PCDHGA8: variants seen among roughly 807,000 people sequenced by gnomAD.
The protein encoded by PCDHGA8 is protocadherin gamma-A8.
In PCDHGA8, 45 loss-of-function variants were observed where a neutral mutation model predicts 59.2. The ratio of observed to expected loss-of-function variants is 0.76; its 90% CI spans 0.60 to 0.98. The LOEUF (loss-of-function observed/expected upper bound fraction) is 0.98, where lower values mean the gene tolerates loss of function less well. Ranked by LOEUF, PCDHGA8 falls within the 50% of genes least tolerant of loss-of-function variation. The probability of loss-of-function intolerance (pLI) is 0.00; values close to 1 mark genes in which losing one functional copy is unlikely to be tolerated. For synonymous variants in PCDHGA8, 531 were observed against 519.0 expected, an observed-to-expected ratio of 1.02 and a Z score of -0.32; for missense variants, 1,257 against 1,196.2, an observed-to-expected ratio of 1.05 and a Z score of -0.75.
At position 141,489,049 on chromosome 5, in the gene PCDHGA8, T is replaced by G; in HGVS notation, c.2425-5758T>G. 2.1e-6 allele frequency: 1 copy of G among 477,660 alleles called. No homozygotes were observed. Among genetic ancestry groups the G allele is most frequent in the Non-Finnish European group, 3.7e-6 (1 of 272,910 alleles). 29.6% of individuals were successfully genotyped at this position (477,660 alleles called of 1,614,324 possible). On this transcript the variant is annotated intron_variant, in intron 1 of 3. Transcript: ENST00000398604. The surrounding 1 kb of genome is among the most constrained non-coding windows in gnomAD (Gnocchi z 4.5). ...CTCCAGCTCCCCAGCTCCACTCAAA[T>G]TCAGCTCCCCTCCCCCCTGCCCACC... is the stretch of plus-strand genomic sequence containing the variant.
intron 1 of PCDHGA8, chr5:141,415,330 A>G (rs1326574664): frequency 1.2e-6 from 2 of 1,614,094 alleles, no homozygotes; most frequent in African/African-American, 2.7e-5. Context: ...GCTGGCGCAC[A>G]GGCTGCGGCG....
intron 1 of PCDHGA8, among the ~76,000 whole-genome samples, chr5:141,458,992 C>G (rs1268862644): frequency 6.6e-6 from 1 of 152,190 alleles, no homozygotes; most frequent in African/African-American, 2.4e-5. Flanking sequence ...CTCACCCTCC[C>G]AAAGTGCTGG....
intron 3 of PCDHGA8, among the ~76,000 whole-genome samples, chr5:141,508,658 A>G (rs1420910010): frequency 2.0e-5 from 3 of 152,086 alleles, no homozygotes; most frequent in African/African-American, 4.8e-5. Flanking sequence ...CCTTCCTGTC[A>G]TTCTGTCTCT....
intron 1 of PCDHGA8, chr5:141,420,939 C>A: frequency 2.6e-6 from 1 of 387,512 alleles, no homozygotes; most frequent in South Asian, 5.2e-5. Context: ...GTAATCATTT[C>A]TTCTGGAATT....
chr5:141,494,639 C>T, intron 1 of PCDHGA8, 168 bp from the exon 2 acceptor site: 1 of 901,070 alleles, frequency 1.1e-6, no homozygotes, highest in Non-Finnish European at 1.3e-6. Flanking sequence ...ACCTCTGAGA[C>T]CTGAGGTGTA....
intron 1 of PCDHGA8, among the ~76,000 whole-genome samples, chr5:141,467,727 T>C (rs1562013145): frequency 6.6e-6 from 1 of 152,046 alleles, no homozygotes; most frequent in African/African-American, 2.4e-5. Flanking sequence ...AGTGGCACAA[T>C]CCCAGCTCGC....
intron 1 of PCDHGA8, among the ~76,000 whole-genome samples, chr5:141,434,848 C>T (rs1224972794): frequency 6.6e-6 from 1 of 151,786 alleles, no homozygotes; most frequent in Non-Finnish European, 1.5e-5. Context: ...AAGCAGACAT[C>T]AATAAATTTA....
chr5:141,395,547 TGTGTGTGTGTG>T (rs750624769), intron 1 of PCDHGA8: 54,616 of 173,956 alleles, frequency 0.31, 7,840 homozygotes, highest in East Asian at 0.41. Context: ...ATTGTTTGTG[TGTGTGTGTGTG>T]TGTGTGTGTG....
Position 141,511,015 on chromosome 5 carries a change from C to T in PCDHGA8, c.2641C>T (p.Pro881Ser), listed in dbSNP as rs1430257603. The T allele has an allele frequency of 1.2e-6, 2 of 1,614,106 alleles. No homozygotes were observed. The highest frequency in any genetic ancestry group is 1.3e-5 in the African/African-American group (1 of 74,936). The stretch of plus-strand genomic sequence containing the variant: ...CATGGGATTGAGCGCCCGCTACGGA[C>T]CCCAGTTCACCCTGCAGCACGTGCC... ...GTMGLSARYG[P>S]QFTLQHVPDY... Residue 881 changes from proline (P) to serine (S), a missense_variant, in exon 4 of 4, where the codon CCC (proline) becomes TCC (serine). Coordinates refer to ENST00000398604, the MANE Select transcript of PCDHGA8 (RefSeq NM_032088.2).
At chr5:141,398,864 T>A (rs1399067876) in intron 1 of PCDHGA8, 1 of 1,613,768 alleles carries the variant, frequency 6.2e-7, no homozygotes, top group Non-Finnish European at 8.5e-7. Context: ...AACCGAGACG[T>A]GTACAGAGTC....
chr5:141,503,221 C>T (rs528636727), intron 2 of PCDHGA8, among the ~76,000 whole-genome samples: 34 of 152,074 alleles, frequency 2.2e-4, no homozygotes, highest in Middle Eastern at 6.8e-3. Flanking sequence ...CCATGAGCAC[C>T]GTAAAGATGG....
At position 141,399,531 on chromosome 5, in the gene PCDHGA8, G is replaced by T. The variant is rs771221717; in HGVS notation, c.2424+4294G>T. 24 of 1,614,052 alleles carry T rather than the reference G, an allele frequency of 1.5e-5. No homozygotes were observed. The South Asian group carries it at 2.0e-4, about 13-fold the overall frequency. ...ACAACCCTCCTGGGGCCTCCATCGC[G>T]CAAGTCTGCGCCTCGGACCTGGACT... On this transcript the variant is annotated intron_variant, in intron 1 of 3. Coordinates refer to ENST00000398604, the MANE Select transcript of PCDHGA8 (RefSeq NM_032088.2).
intron 1 of PCDHGA8, chr5:141,421,722 G>C: frequency 6.2e-7 from 1 of 1,613,972 alleles, no homozygotes; most frequent in Non-Finnish European, 8.5e-7. Flanking sequence ...ATGTGGGCGT[G>C]AACTCCCTCC....
At chr5:141,442,158 A>T (rs966591795) in intron 1 of PCDHGA8, 1 of 157,594 alleles carries the variant, frequency 6.3e-6, no homozygotes, top group African/African-American at 2.4e-5. Context: ...CTCAGCGATC[A>T]CTCTGCAAAG....
Position 141,432,206 on chromosome 5 carries a change from G to T in PCDHGA8, c.2424+36969G>T, listed in dbSNP as rs551220443. ...GACCGCCCACGACCCCGACTGTGAA[G>T]AGAACGCCCAGATCACTTATTCCCT... On this transcript the variant is annotated intron_variant, in intron 1 of 3. Coordinates refer to ENST00000398604, the MANE Select transcript of PCDHGA8 (RefSeq NM_032088.2). The surrounding 1 kb of genome is among the most constrained non-coding windows in gnomAD (Gnocchi z 6.0). 12 of 1,614,214 alleles carry T rather than the reference G, an allele frequency of 7.4e-6. No individual in the cohort carries two copies. The Admixed American group carries it at 8.3e-5, about 11-fold the overall frequency.
intron 1 of PCDHGA8, among the ~76,000 whole-genome samples, chr5:141,445,248 T>C (rs1264046214): frequency 6.6e-6 from 1 of 152,224 alleles, no homozygotes; most frequent in African/African-American, 2.4e-5. Flanking sequence ...CACTATATTG[T>C]GTGAGAATAT....
At position 141,394,688 on chromosome 5, in the gene PCDHGA8, G is replaced by A. The variant is rs770742323; in HGVS notation, c.1875G>A (p.Glu625=). 3 of 1,611,882 alleles carry A rather than the reference G, an allele frequency of 1.9e-6. No individual in the cohort carries two copies. The highest frequency in any genetic ancestry group is 1.7e-4 in the Middle Eastern group (1 of 6,054). ...TCTCGGTGGGTCTGCACACGGGCGA[G>A]GTGCGCACGGCGCGAGCCCTGCTGG... The part of the protein sequence containing the change: ...GLFSVGLHTG[E]VRTARALLDR... Residue 625 remains glutamate (E), a synonymous_variant, in exon 1 of 4, where the codon GAG becomes GAA. Coordinates refer to ENST00000398604, the MANE Select transcript of PCDHGA8 (RefSeq NM_032088.2).
At chr5:141,440,558 T>C (rs546919141) in intron 1 of PCDHGA8, 1 of 152,350 alleles carries the variant, frequency 6.6e-6, no homozygotes, top group East Asian at 1.9e-4. Context: ...TGTTATTAAG[T>C]TACGTATCTC....
At chr5:141,423,510 TGCGGACTC>T in intron 1 of PCDHGA8, 1 of 1,613,792 alleles carries the variant, frequency 6.2e-7, no homozygotes, top group South Asian at 1.1e-5. Context: ...TCTCTCTCAT[TGCGGACTC>T]GCAGAAGAGT....
Sources: allele counts gnomAD v4.1 joint callset (sites outside exome capture counted in the v4.1 genomes callset), GRCh38; gene constraint gnomAD v4.1.1; non-coding constraint Gnocchi (gnomAD v3.1); transcripts MANE v1.5; gene names NCBI Gene and HGNC (gene_info 2026-07-23, HGNC 2026-07-21).